Variants in KCNQ1OT1 observed in about 807,000 individuals in gnomAD.
KCNQ1OT1 encodes the protein KCNQ1 opposite strand/antisense transcript 1.
At chr11:2,630,873 T>G in exon 1 of KCNQ1OT1, 1 of 398,534 alleles carries the variant, frequency 2.5e-6, no homozygotes. Flanking sequence ...GATGGCAGTT[T>G]TTTATCTTTC....
In KCNQ1OT1 at chr11:2,674,311, G is replaced by T; in HGVS notation, n.25684C>A. 2.5e-6 allele frequency: 1 copy of T among 398,768 alleles called. No individual in the cohort carries two copies. Among genetic ancestry groups the T allele is most frequent in the East Asian group, 3.6e-5 (1 of 28,064 alleles). The allele number at this position is 398,768 out of a possible 1,614,324, so 24.7% of individuals were successfully genotyped here. ...TTCTTCATCATGCAGCCGTAGAGCT[G>T]GAGGCCAAGGACACCCTCTGGAAAT... On this transcript the variant is annotated non_coding_transcript_exon_variant, in exon 1 of 1. Coordinates refer to ENST00000597346, the Ensembl canonical transcript of KCNQ1OT1. The surrounding 1 kb of genome is among the most constrained non-coding windows in gnomAD (Gnocchi z 5.9).
chr11:2,630,007 G>T, exon 1 of KCNQ1OT1: 1 of 397,122 alleles, frequency 2.5e-6, no homozygotes, highest in Non-Finnish European at 4.4e-6. Context: ...CATCTTAGAG[G>T]AGAGGCATTC....
rs576489464 is a variant in KCNQ1OT1, at chr11:2,624,008, G to C, written n.75987C>G. 1 of 399,118 alleles carries C rather than the reference G, an allele frequency of 2.5e-6. No individual in the cohort carries two copies. Among genetic ancestry groups the C allele is most frequent in the East Asian group, 3.6e-5 (1 of 28,110 alleles). 24.7% of individuals were successfully genotyped at this position (399,118 alleles called of 1,614,324 possible). A position where few individuals can be genotyped will look rare whatever the true frequency, so the allele number is the denominator to read the frequency against. On this transcript the variant is annotated non_coding_transcript_exon_variant, in exon 1 of 1. Transcript: ENST00000597346. This position sits in a 1 kb window ranked among gnomAD's most constrained non-coding sequence, Gnocchi z 4.9. ...TCCCATTAATGGTATATGTCAAAGTGGCTGTACCATTTTGCATTCCCACCA... is the reference window on the plus strand; with the variant it reads ...TCCCATTAATGGTATATGTCAAAGTCGCTGTACCATTTTGCATTCCCACCA...
exon 1 of KCNQ1OT1, chr11:2,616,703 T>C (rs1338844892): frequency 5.0e-6 from 2 of 398,160 alleles, no homozygotes; most frequent in Non-Finnish European, 8.9e-6. Context: ...TTTAGGTTTT[T>C]CTTCTGTTAC....
exon 1 of KCNQ1OT1, chr11:2,615,261 C>T (rs947946269): frequency 2.5e-6 from 1 of 397,952 alleles, no homozygotes; most frequent in Non-Finnish European, 4.4e-6. Flanking sequence ...ATGTACCCTG[C>T]AATTTTGCTG....
At position 2,620,224 on chromosome 11, in the gene KCNQ1OT1, ATTTT is replaced by A; in HGVS notation, n.79767_79770del. 2 of 225,824 alleles carry A rather than the reference ATTTT, an allele frequency of 8.9e-6. No homozygotes were observed. The highest frequency in any genetic ancestry group is 2.0e-4 in the South Asian group (1 of 5,076). 14.0% of individuals were successfully genotyped at this position (225,824 alleles called of 1,614,324 possible). A position where few individuals can be genotyped will look rare whatever the true frequency, so the allele number is the denominator to read the frequency against. On this transcript the variant is annotated non_coding_transcript_exon_variant, in exon 1 of 1. Transcript: ENST00000597346. This position sits in a 1 kb window ranked among gnomAD's most constrained non-coding sequence, Gnocchi z 4.5. ...GTATATATATATATTTTTTTTTTTT[ATTTT>A]TTTTTTAGACGGAGTTTCGCTCTTG...
chr11:2,617,231 C>T lies in KCNQ1OT1; in HGVS notation n.82764G>A. On this transcript the variant is annotated non_coding_transcript_exon_variant, in exon 1 of 1. Coordinates refer to ENST00000597346, the Ensembl canonical transcript of KCNQ1OT1. This position sits in a 1 kb window ranked among gnomAD's most constrained non-coding sequence, Gnocchi z 4.6. ...TTGACCTACATCTTTCCATTTTCTT[C>T]CCCCACACCTTGCCCATGGTAACCA... is the stretch of plus-strand genomic sequence containing the variant. 2.5e-6 allele frequency: 1 copy of T among 398,284 alleles called. No individual in the cohort carries two copies. Among genetic ancestry groups the T allele is most frequent in the African/African-American group, 2.1e-5 (1 of 48,722 alleles). 24.7% of individuals were successfully genotyped at this position (398,284 alleles called of 1,614,324 possible).
chr11:2,663,500 G>C lies in KCNQ1OT1; in HGVS notation n.36495C>G. ...CATGTTGTGTGCAATACAGGTGGCAGTGCCTGTATTGCCTCTTGGCTGTCC... is the reference window on the plus strand; with the variant it reads ...CATGTTGTGTGCAATACAGGTGGCACTGCCTGTATTGCCTCTTGGCTGTCC... On this transcript the variant is annotated non_coding_transcript_exon_variant, in exon 1 of 1. Transcript: ENST00000597346. This position sits in a 1 kb window ranked among gnomAD's most constrained non-coding sequence, Gnocchi z 5.2. 1 of 398,704 alleles carries C rather than the reference G, an allele frequency of 2.5e-6. No homozygotes were observed. The highest frequency in any genetic ancestry group is 4.4e-6 in the Non-Finnish European group (1 of 226,090). The allele number at this position is 398,704 out of a possible 1,614,324, so 24.7% of individuals were successfully genotyped here. A position where few individuals can be genotyped will look rare whatever the true frequency, so the allele number is the denominator to read the frequency against.
At position 2,692,336 on chromosome 11, in the gene KCNQ1OT1, T is replaced by C. The variant is rs1348943544; in HGVS notation, n.7659A>G. 7 of 398,830 alleles carry C rather than the reference T, an allele frequency of 1.8e-5. No individual in the cohort carries two copies. The Admixed American group carries it at 3.1e-4, about 18-fold the overall frequency. The allele number at this position is 398,830 out of a possible 1,614,324, so 24.7% of individuals were successfully genotyped here. On this transcript the variant is annotated non_coding_transcript_exon_variant, in exon 1 of 1. Coordinates refer to ENST00000597346, the Ensembl canonical transcript of KCNQ1OT1. ...TTGCCACTGTCCTGATAGGCCACCA[T>C]TTCTCTGTACTGCAGGCATCTCCTA...
At position 2,668,898 on chromosome 11, in the gene KCNQ1OT1, T is replaced by C. The variant is rs1466706949; in HGVS notation, n.31097A>G. 3 of 398,536 alleles carry C rather than the reference T, an allele frequency of 7.5e-6. No homozygotes were observed. The highest frequency in any genetic ancestry group is 1.3e-5 in the Non-Finnish European group (3 of 226,074). 24.7% of individuals were successfully genotyped at this position (398,536 alleles called of 1,614,324 possible). ...CTACTCCAAGGTCATAAAGATATTCTGGTTTATTCTAAAGCTTTATTAGCT... is the reference window on the plus strand; with the variant it reads ...CTACTCCAAGGTCATAAAGATATTCCGGTTTATTCTAAAGCTTTATTAGCT... On this transcript the variant is annotated non_coding_transcript_exon_variant, in exon 1 of 1. Coordinates refer to ENST00000597346, the Ensembl canonical transcript of KCNQ1OT1. The surrounding 1 kb of genome is among the most constrained non-coding windows in gnomAD (Gnocchi z 4.3).
rs987348417 is a variant in KCNQ1OT1 at position 2,627,903 on chromosome 11, C to T, written n.72092G>A. On this transcript the variant is annotated non_coding_transcript_exon_variant, in exon 1 of 1. Transcript: ENST00000597346. This position sits in a 1 kb window ranked among gnomAD's most constrained non-coding sequence, Gnocchi z 4.9. ...GTAGCTGGGACCACAGTCATGCACC[C>T]CCATGCCCAGCTAATTTTTAAAATT... 2.8e-5 allele frequency: 11 copies of T among 398,322 alleles called. No homozygotes were observed. The highest frequency in any genetic ancestry group is 2.3e-4 in the African/African-American group (11 of 48,518). The allele number at this position is 398,322 out of a possible 1,614,324, so 24.7% of individuals were successfully genotyped here.
exon 1 of KCNQ1OT1, chr11:2,697,457 T>C (rs540977955): frequency 2.5e-6 from 1 of 398,610 alleles, no homozygotes; most frequent in East Asian, 3.6e-5. Context: ...TGATACACTT[T>C]TAATTTCTCT....
Position 2,661,665 on chromosome 11 carries a change from C to A in KCNQ1OT1, n.38330G>T. On this transcript the variant is annotated non_coding_transcript_exon_variant, in exon 1 of 1. Coordinates refer to ENST00000597346, the Ensembl canonical transcript of KCNQ1OT1. This position sits in a 1 kb window ranked among gnomAD's most constrained non-coding sequence, Gnocchi z 5.9. ...TCAGTTGTGAACATGGGAAGAGGCCCAGAACCTGAGGTGGGGAGAGTCTTG... is the reference window on the plus strand; with the variant it reads ...TCAGTTGTGAACATGGGAAGAGGCCAAGAACCTGAGGTGGGGAGAGTCTTG... 1 of 596,648 alleles carries A rather than the reference C, an allele frequency of 1.7e-6. No homozygotes were observed. The highest frequency in any genetic ancestry group is 3.0e-6 in the Non-Finnish European group (1 of 334,620). 37.0% of individuals were successfully genotyped at this position (596,648 alleles called of 1,614,324 possible).
rs1850297211 is a variant in KCNQ1OT1 at position 2,676,507 on chromosome 11, C to T, written n.23488G>A. ...GCATCAGTTCCATTTCTGGTGAACA[C>T]TTGGACTTGGCAAAAGGCATAGAGG... On this transcript the variant is annotated non_coding_transcript_exon_variant, in exon 1 of 1. Coordinates refer to ENST00000597346, the Ensembl canonical transcript of KCNQ1OT1. The surrounding 1 kb of genome is among the most constrained non-coding windows in gnomAD (Gnocchi z 4.2). 1.5e-5 allele frequency: 6 copies of T among 398,636 alleles called. No homozygotes were observed. In the East Asian group the frequency reaches 2.1e-4, roughly 14 times the overall value. 24.7% of individuals were successfully genotyped at this position (398,636 alleles called of 1,614,324 possible). A position where few individuals can be genotyped will look rare whatever the true frequency, so the allele number is the denominator to read the frequency against.
rs115133329 is a variant in KCNQ1OT1 at position 2,611,869 on chromosome 11, C to T, written n.88126G>A. ...CTAATTCCTTTGTTAGTTTATTTCC[C>T]CCATTTTTAAAGTGTAATCTGGAGG... is the stretch of plus-strand genomic sequence containing the variant. On this transcript the variant is annotated non_coding_transcript_exon_variant, in exon 1 of 1. Coordinates refer to ENST00000597346, the Ensembl canonical transcript of KCNQ1OT1. This position sits in a 1 kb window ranked among gnomAD's most constrained non-coding sequence, Gnocchi z 5.3. 5.0e-6 allele frequency: 2 copies of T among 398,300 alleles called. No homozygotes were observed. The highest frequency in any genetic ancestry group is 4.1e-5 in the African/African-American group (2 of 48,674). The allele number at this position is 398,300 out of a possible 1,614,324, so 24.7% of individuals were successfully genotyped here. A position where few individuals can be genotyped will look rare whatever the true frequency, so the allele number is the denominator to read the frequency against.
exon 1 of KCNQ1OT1, chr11:2,650,564 G>T: frequency 2.5e-6 from 1 of 398,634 alleles, no homozygotes; most frequent in Non-Finnish European, 4.4e-6. Context: ...TAGGCTGCTT[G>T]GTGCTTAGGA....
exon 1 of KCNQ1OT1, chr11:2,609,370 T>C: frequency 2.5e-6 from 1 of 398,476 alleles, no homozygotes; most frequent in East Asian, 3.6e-5. Flanking sequence ...TATTTCATTA[T>C]ATTCAGAAAA....
chr11:2,639,062 C>T (rs1328299903), exon 1 of KCNQ1OT1: 2 of 152,128 alleles, frequency 1.3e-5, no homozygotes, highest in Non-Finnish European at 2.9e-5. Flanking sequence ...TTTTCTGCTC[C>T]ATCATGTCAT....
At chr11:2,656,367 C>T (rs1849848324) in exon 1 of KCNQ1OT1, 1 of 398,508 alleles carries the variant, frequency 2.5e-6, no homozygotes, top group Non-Finnish European at 4.4e-6. Flanking sequence ...CCTTACAGGT[C>T]CTTCCCTGGT....
Sources: gnomAD v4.1 joint callset for allele counts on GRCh38, gnomAD v4.1.1 for gene constraint, Gnocchi (gnomAD v3.1) non-coding constraint, MANE v1.5 for transcripts, NCBI Gene and HGNC (gene_info 2026-07-23, HGNC 2026-07-21) for gene names.